PINX1: variants seen among roughly 807,000 people sequenced by gnomAD.
PINX1 encodes PIN2 (TERF1) interacting telomerase inhibitor 1.
PINX1 carries 34 observed loss-of-function variants against 25.4 expected under a neutral mutation model. The observed-to-expected ratio is 1.34, with a 90% confidence interval of 1.02 to 1.78. The LOEUF is 1.78. Among genes scored for constraint, PINX1 ranks in the 40% most tolerant of loss-of-function variants. The pLI, the probability that PINX1 is intolerant of heterozygous loss-of-function variation, is 0.00. For missense variants in PINX1, 592 were observed against 404.9 expected, an observed-to-expected ratio of 1.46 and a Z score of -3.97; for synonymous variants, 197 against 147.7, an observed-to-expected ratio of 1.33 and a Z score of -2.42.
chr8:10,807,316 A>ACCC (rs1458043821), intron 6 of PINX1, among the ~76,000 whole-genome samples: 9 of 53,972 alleles, frequency 1.7e-4, no homozygotes, highest in African/African-American at 3.2e-4. Context: ...AATCAAGAAA[A>ACCC]TCCCCCCCCC....
chr8:10,817,992 A>C (rs1797752486), intron 6 of PINX1, among the ~76,000 whole-genome samples: 1 of 152,242 alleles, frequency 6.6e-6, no homozygotes, highest in Non-Finnish European at 1.5e-5. Flanking sequence ...CCCTGACCGA[A>C]GATTTAATTT....
chr8:10,839,846 T>C lies in PINX1; in HGVS notation c.-90A>G, dbSNP rs1798518374. ...GACTCCAGGAGAATCAGGACGTGCG[T>C]AACTCCCTCGCCGGCGGACTGCAGC... On this transcript the variant is annotated 5_prime_UTR_variant, in exon 1 of 7. Coordinates refer to ENST00000314787, the MANE Select transcript of PINX1 (RefSeq NM_017884.6). 4 of 1,288,794 alleles carry C rather than the reference T, an allele frequency of 3.1e-6. No individual in the cohort carries two copies. Among genetic ancestry groups the C allele is most frequent in the Admixed American group, 4.5e-5 (2 of 44,138 alleles). 79.8% of individuals were successfully genotyped at this position (1,288,794 alleles called of 1,614,324 possible).
rs1000590982 is a variant in PINX1 at position 10,805,620 on chromosome 8, G to T, written c.471+14573C>A. On this transcript the variant is annotated intron_variant, in intron 6 of 6. Coordinates refer to ENST00000314787, the MANE Select transcript of PINX1 (RefSeq NM_017884.6). ...AAGGGGCCACACTAGCGCTGAGTGG[G>T]TGACGGAGCACAGGAAGGGGCCACA... Among the ~76,000 whole-genome samples the T allele has an allele frequency of 3.7e-5, 4 of 109,480 alleles. No individual in the cohort carries two copies. In the South Asian group the frequency reaches 1.2e-3, roughly 33 times the overall value. The allele number at this position is 109,480 out of a possible 152,430, so 71.8% of individuals were successfully genotyped here. A position where few individuals can be genotyped will look rare whatever the true frequency, so the allele number is the denominator to read the frequency against.
intron 6 of PINX1, among the ~76,000 whole-genome samples, chr8:10,777,172 C>T (rs576749656): frequency 4.2e-4 from 64 of 152,308 alleles, no homozygotes; most frequent in Middle Eastern, 3.4e-3. Context: ...GTTGGCAGGC[C>T]CTGCCCTCAC....
chr8:10,793,423 G>T (rs1030622888), intron 6 of PINX1, among the ~76,000 whole-genome samples: 3 of 152,146 alleles, frequency 2.0e-5, no homozygotes, highest in African/African-American at 7.2e-5. Context: ...TCCATAAAAT[G>T]CACTAACACT....
intron 1 of PINX1, among the ~76,000 whole-genome samples, chr8:10,838,165 A>G (rs959934232): frequency 3.3e-5 from 5 of 152,250 alleles, no homozygotes; most frequent in African/African-American, 1.2e-4. Context: ...AAGGCTGCCC[A>G]ATTCTTGAAT....
chr8:10,787,955 C>A, intron 6 of PINX1: 1 of 369,124 alleles, frequency 2.7e-6, no homozygotes, highest in South Asian at 2.2e-5. Context: ...AGTTATTAGA[C>A]AACTGGGGAA....
chr8:10,766,581 G>T (rs912879537), intron 6 of PINX1, among the ~76,000 whole-genome samples: 2 of 152,180 alleles, frequency 1.3e-5, no homozygotes, highest in African/African-American at 4.8e-5. Context: ...CCAGCTTGGG[G>T]GCTTCTTTCC....
At chr8:10,773,548 T>C (rs918560629) in intron 6 of PINX1, among the ~76,000 whole-genome samples, 1 of 152,180 alleles carries the variant, frequency 6.6e-6, no homozygotes, top group Non-Finnish European at 1.5e-5. Context: ...TAATACGAAC[T>C]AGAAGGGACA....
At chr8:10,782,966 C>A (rs1361148272) in intron 6 of PINX1, among the ~76,000 whole-genome samples, 1 of 152,096 alleles carries the variant, frequency 6.6e-6, no homozygotes, top group Non-Finnish European at 1.5e-5. Context: ...ATGCACTGTT[C>A]CTCAGAGTAA....
chr8:10,773,095 A>C (rs1263261277), intron 6 of PINX1, among the ~76,000 whole-genome samples: 3 of 152,230 alleles, frequency 2.0e-5, no homozygotes, highest in African/African-American at 4.8e-5. Flanking sequence ...AAGTACATAC[A>C]ATAGGTGCTA....
intron 5 of PINX1, among the ~76,000 whole-genome samples, chr8:10,821,654 C>T (rs80244694): frequency 7.2e-5 from 11 of 152,308 alleles, no homozygotes; most frequent in African/African-American, 2.6e-4. Context: ...ACAAACTCAT[C>T]GGAGGTGTAG....
chr8:10,799,333 G>A (rs74446512), intron 6 of PINX1, among the ~76,000 whole-genome samples: 7,843 of 152,228 alleles, frequency 0.052, 572 homozygotes, highest in East Asian at 0.3. Context: ...CATGCTTCAC[G>A]TGTTTGCTGT....
At chr8:10,805,074 G>C (rs1476297980) in intron 6 of PINX1, among the ~76,000 whole-genome samples, 1 of 152,054 alleles carries the variant, frequency 6.6e-6, no homozygotes, top group Non-Finnish European at 1.5e-5. Flanking sequence ...TTCCCAATAG[G>C]ACAATTATTA....
chr8:10,799,697 C>T (rs528978886), intron 6 of PINX1, among the ~76,000 whole-genome samples: 29 of 152,350 alleles, frequency 1.9e-4, no homozygotes, highest in African/African-American at 7.0e-4. Context: ...GACAGAACCA[C>T]AATCCCTGCA....
At chr8:10,824,931 T>A (rs1231564021) in intron 5 of PINX1, among the ~76,000 whole-genome samples, 1 of 152,186 alleles carries the variant, frequency 6.6e-6, no homozygotes, top group Admixed American at 6.5e-5. Context: ...AGGAAGCCTG[T>A]ATTCTGTTCC....
intron 6 of PINX1, among the ~76,000 whole-genome samples, chr8:10,807,600 T>C (rs1802494569): frequency 6.6e-6 from 1 of 152,126 alleles, no homozygotes; most frequent in African/African-American, 2.4e-5. Flanking sequence ...TAAAACCTTC[T>C]GAAAATGAGA....
chr8:10,839,023 G>A (rs1450770058), intron 1 of PINX1, among the ~76,000 whole-genome samples: 1 of 152,150 alleles, frequency 6.6e-6, no homozygotes, highest in African/African-American at 2.4e-5. Context: ...CGCCAAGCAG[G>A]ACCCGCTTTT....
chr8:10,765,193 A>G lies in PINX1; in HGVS notation c.*208T>C. 1.9e-6 allele frequency: 1 copy of G among 537,696 alleles called. No homozygotes were observed. The highest frequency in any genetic ancestry group is 3.2e-6 in the Non-Finnish European group (1 of 308,372). 33.3% of individuals were successfully genotyped at this position (537,696 alleles called of 1,614,324 possible). On this transcript the variant is annotated 3_prime_UTR_variant, in exon 7 of 7. Transcript: ENST00000314787. Reference sequence around the variant, plus strand: ...ACAAAAAAATTTATTTGTGTCTGAGAGCCACGATTGAGAACATTAAAAAGG... The same window carrying G: ...ACAAAAAAATTTATTTGTGTCTGAGGGCCACGATTGAGAACATTAAAAAGG...
Sources: gnomAD v4.1 joint callset for allele counts (sites outside exome capture counted in the v4.1 genomes callset) on GRCh38, gnomAD v4.1.1 for gene constraint, MANE v1.5 for transcripts, NCBI Gene and HGNC (gene_info 2026-07-23, HGNC 2026-07-21) for gene names.